The following CD109 variants were observed in gnomAD, a reference collection of about 807,000 sequenced individuals.
The protein encoded by CD109 is CD109 antigen.
Under a neutral mutation model 165.8 loss-of-function variants are expected in CD109, and 149 were observed. The observed-to-expected ratio is 0.90, with a 90% CI of 0.79 to 1.03. CD109 has a LOEUF of 1.03. CD109 is among the 50% of genes least tolerant of loss of function. The probability of loss-of-function intolerance (pLI) is 0.00; values close to 1 mark genes in which losing one functional copy is unlikely to be tolerated. For synonymous variants in CD109, 585 were observed against 592.1 expected, an observed-to-expected ratio of 0.99 and a Z score of 0.18; for missense variants, 1,712 against 1,677.8, an observed-to-expected ratio of 1.02 and a Z score of -0.36.
intron 2 of CD109, among the ~76,000 whole-genome samples, chr6:73,715,080 A>C (rs1771675396): frequency 6.6e-6 from 1 of 152,054 alleles, no homozygotes; most frequent in South Asian, 2.1e-4. Flanking sequence ...CCAACATGGC[A>C]CAACCCTGTC....
chr6:73,783,326 C>T (rs1206872642), intron 18 of CD109, among the ~76,000 whole-genome samples: 1 of 152,002 alleles, frequency 6.6e-6, no homozygotes, highest in African/African-American at 2.4e-5. Context: ...CTCAAGGAAA[C>T]AAATAACAGC....
At position 73,771,526 on chromosome 6, in the gene CD109, C is replaced by G. The variant is rs779564460; in HGVS notation, c.1772C>G (p.Ala591Gly). Reference protein sequence around the residue: ...TQPDSIVGIVAVDKSVNLMNA... With the variant: ...TQPDSIVGIVGVDKSVNLMNA... ...CCTGACTCCATAGTTGGGATTGTAG[C>G]TGTTGACAAAAGTGTGAATCTGATG... Residue 591 changes from alanine to glycine, a missense_variant, in exon 15 of 33, where the codon GCT (alanine) becomes GGT (glycine). Transcript: ENST00000287097. 14 of 1,609,500 alleles carry G rather than the reference C, an allele frequency of 8.7e-6. No homozygotes were observed. The highest frequency in any genetic ancestry group is 1.1e-5 in the Non-Finnish European group (13 of 1,178,084).
intron 24 of CD109, among the ~76,000 whole-genome samples, chr6:73,805,571 T>G (rs562465621): frequency 1.5e-4 from 23 of 152,312 alleles, no homozygotes; most frequent in African/African-American, 5.3e-4. Context: ...CACAGACCCT[T>G]TACGGGTGTT....
intron 7 of CD109, among the ~76,000 whole-genome samples, chr6:73,759,906 T>C (rs1773543805): frequency 6.6e-6 from 1 of 152,160 alleles, no homozygotes; most frequent in African/African-American, 2.4e-5. Context: ...TTTTTTTTTT[T>C]TTCTTCTTAG....
chr6:73,804,427 G>A (rs1199987205), intron 24 of CD109, among the ~76,000 whole-genome samples: 1 of 152,138 alleles, frequency 6.6e-6, no homozygotes, highest in African/African-American at 2.4e-5. Context: ...GGCATTTTGG[G>A]CCACGTAGAG....
chr6:73,785,379 C>A lies in CD109; in HGVS notation c.2239C>A (p.Pro747Thr), dbSNP rs776836898. The change falls in exon 20 of 33, where the codon CCA (proline) becomes ACA (threonine). Residue 747 changes from proline (P) to threonine (T), a missense_variant. Transcript: ENST00000287097. ...TTCTTTCCAGCTCCAAGCCTTCCAA[C>A]CATTTTTCATTTTTTTGAATCTTCC... is the stretch of plus-strand genomic sequence containing the variant. The part of the protein sequence containing the change: ...TTPVELQAFQ[P>T]FFIFLNLPYS... 6.2e-7 allele frequency: 1 copy of A among 1,600,670 alleles called. No individual in the cohort carries two copies. The highest frequency in any genetic ancestry group is 1.7e-5 in the Admixed American group (1 of 58,748).
the CD109 span, among the ~76,000 whole-genome samples, chr6:73,689,107 C>A: frequency 2.6e-5 from 4 of 152,140 alleles, no homozygotes; most frequent in Non-Finnish European, 5.9e-5. Flanking sequence ...TAAATTATTC[C>A]ATTGGGCGAC....
intron 22 of CD109, among the ~76,000 whole-genome samples, chr6:73,791,071 T>A (rs72957357): frequency 0.024 from 3,516 of 148,316 alleles, 70 homozygotes; most frequent in East Asian, 0.04. Context: ...TGCTTTTTTA[T>A]TATAACCCAA....
At chr6:73,754,913 C>T (rs1773330007) in intron 5 of CD109, among the ~76,000 whole-genome samples, 1 of 152,196 alleles carries the variant, frequency 6.6e-6, no homozygotes, top group African/African-American at 2.4e-5. Flanking sequence ...CCACTAGACT[C>T]TCTAATGCTG....
chr6:73,713,072 A>G (rs896454630), intron 2 of CD109, among the ~76,000 whole-genome samples: 2 of 152,116 alleles, frequency 1.3e-5, no homozygotes, highest in African/African-American at 2.4e-5. Flanking sequence ...TCTCTCATCT[A>G]TGCTGCCCCC....
chr6:73,768,411 G>C (rs1415243488), intron 14 of CD109, among the ~76,000 whole-genome samples, 180 bp downstream of exon 14: 1 of 152,130 alleles, frequency 6.6e-6, no homozygotes, highest in Non-Finnish European at 1.5e-5. Flanking sequence ...TTCACTTGTG[G>C]AGTTATTGGG....
rs146661718 is a variant in CD109 at position 73,773,563 on chromosome 6, C to T, written c.1827+1982C>T. ...TTGTTTTGGTGATTTAGAAGTTATG[C>T]GTTCTATTTTTGTTACTCTGTTAGT... On this transcript the variant is annotated intron_variant, in intron 15 of 32. Coordinates refer to ENST00000287097, the MANE Select transcript of CD109 (RefSeq NM_133493.5). Among the ~76,000 whole-genome samples, 173 of 152,010 alleles carry T rather than the reference C, an allele frequency of 1.1e-3. 1 individual carries two copies. The highest frequency in any genetic ancestry group is 4.0e-3 in the African/African-American group (165 of 41,490).
At chr6:73,745,542 T>G (rs1200148493) in intron 5 of CD109, among the ~76,000 whole-genome samples, 1 of 152,198 alleles carries the variant, frequency 6.6e-6, no homozygotes, top group African/African-American at 2.4e-5. Context: ...TGTTTGCACG[T>G]TGGATTGTTC....
chr6:73,788,447 T>G (rs900356293), intron 21 of CD109, 21 bp from the exon 22 acceptor site: 3 of 1,605,316 alleles, frequency 1.9e-6, no homozygotes, highest in Admixed American at 1.7e-5. Flanking sequence ...CCATGTTAAT[T>G]GTGTTCATTT....
chr6:73,787,070 G>A (rs987139165), intron 20 of CD109, among the ~76,000 whole-genome samples, 164 bp from the exon 21 acceptor site: 2 of 151,988 alleles, frequency 1.3e-5, no homozygotes, highest in Non-Finnish European at 2.9e-5. Flanking sequence ...AAGAAATGAA[G>A]TTTTTCCTGA....
intron 27 of CD109, 134 bp downstream of exon 27, chr6:73,810,308 ATG>A (rs890415398): frequency 3.3e-5 from 9 of 270,266 alleles, no homozygotes; most frequent in African/African-American, 2.1e-4. Context: ...TTTTAAAAGT[ATG>A]TGGTTGCATT....
intron 2 of CD109, among the ~76,000 whole-genome samples, chr6:73,711,927 C>A (rs1462939137): frequency 6.6e-6 from 1 of 152,114 alleles, no homozygotes; most frequent in Admixed American, 6.6e-5. Flanking sequence ...GGAGTCTGGG[C>A]TTTTAGTATA....
At chr6:73,744,144 T>G (rs1772893018) in intron 5 of CD109, among the ~76,000 whole-genome samples, 1 of 152,250 alleles carries the variant, frequency 6.6e-6, no homozygotes, top group Non-Finnish European at 1.5e-5. Context: ...ACCATCCATC[T>G]CCAGAACCTA....
intron 3 of CD109, among the ~76,000 whole-genome samples, chr6:73,723,967 A>G (rs1306785192): frequency 6.6e-6 from 1 of 151,990 alleles, no homozygotes. Context: ...CTAGTGTGGA[A>G]CTCTGCTCCT....
Sources: allele counts gnomAD v4.1 joint callset (sites outside exome capture counted in the v4.1 genomes callset), GRCh38; gene constraint gnomAD v4.1.1; transcripts MANE v1.5; gene names NCBI Gene and HGNC (gene_info 2026-07-23, HGNC 2026-07-21).